Variants in INTU observed in about 807,000 individuals in gnomAD.
INTU encodes the protein protein inturned.
A neutral mutation model predicts 100.5 loss-of-function variants in INTU; 68 were observed. That is an observed-to-expected ratio of 0.68 (90% CI 0.56 to 0.83). The LOEUF is 0.83. Among genes scored for constraint, INTU ranks in the 40% least tolerant of loss-of-function variants. The pLI is 0.00. For missense variants in INTU, 1,071 were observed against 1,114.7 expected (o/e 0.96, Z 0.56); for synonymous variants, 357 against 395.7 (o/e 0.90, Z 1.16).
At chr4:127,710,811 A>T in intron 13 of INTU, 102 bp from the exon 14 acceptor site, 1 of 603,246 alleles carries the variant, frequency 1.7e-6, no homozygotes, top group Non-Finnish European at 2.6e-6. Flanking sequence ...ATTATATTGT[A>T]GATAAAAGCT....
At chr4:127,677,250 G>A (rs997369446) in intron 6 of INTU, among the ~76,000 whole-genome samples, 4 of 152,144 alleles carry the variant, frequency 2.6e-5, no homozygotes, top group Non-Finnish European at 2.9e-5. Context: ...GAGAGCAGTG[G>A]TTCTCCCAGC....
At chr4:127,645,791 T>C (rs1727554153) in intron 2 of INTU, among the ~76,000 whole-genome samples, 1 of 152,000 alleles carries the variant, frequency 6.6e-6, no homozygotes, top group African/African-American at 2.4e-5. Flanking sequence ...CTTGAACTCC[T>C]GACCTCAGGT....
At chr4:127,641,669 C>T (rs1727340866) in intron 1 of INTU, among the ~76,000 whole-genome samples, 1 of 152,056 alleles carries the variant, frequency 6.6e-6, no homozygotes, top group South Asian at 2.1e-4. Flanking sequence ...TTGTACTTAC[C>T]CTGTGTACTG....
rs78533412 is a variant in INTU at position 127,706,812 on chromosome 4, G to T, written c.2114G>T (p.Arg705Leu). Residue 705 changes from arginine to leucine, a missense_variant, in exon 12 of 16, where the codon CGC becomes CTC. Coordinates refer to ENST00000335251, the MANE Select transcript of INTU (RefSeq NM_015693.4). ...TLFGDYSLKTRKPSPSCSSGG... is the reference protein window; with the variant it reads ...TLFGDYSLKTLKPSPSCSSGG... ...TTTGGTGACTATTCCTTAAAGACAC[G>T]CAAGCCTAGTCCTTCCTGTAGTAGT... 5.6e-6 allele frequency: 9 copies of T among 1,613,938 alleles called. No homozygotes were observed. In the East Asian group the frequency reaches 1.6e-4, roughly 28 times the overall value.
chr4:127,672,899 T>C (rs562225022), intron 5 of INTU, among the ~76,000 whole-genome samples: 36 of 152,358 alleles, frequency 2.4e-4, no homozygotes, highest in African/African-American at 8.4e-4. Flanking sequence ...CACTGAAGTA[T>C]AATGAAGTAA....
chr4:127,708,557 A>G lies in INTU; in HGVS notation c.2272-14A>G. 2 of 1,388,502 alleles carry G rather than the reference A, an allele frequency of 1.4e-6. No individual in the cohort carries two copies. Among genetic ancestry groups the G allele is most frequent in the South Asian group, 1.2e-5 (1 of 83,160 alleles). 86.0% of individuals were successfully genotyped at this position (1,388,502 alleles called of 1,614,324 possible). ...TCTTAGATATAAACTGATCTACTTA[A>G]CTATATTTTTCAGGTCACTAAAAAG... On this transcript the variant is annotated splice_polypyrimidine_tract_variant and intron_variant, in intron 12 of 15. Transcript: ENST00000335251.
At chr4:127,705,860 A>C (rs764843002) in intron 11 of INTU, 48 bp downstream of exon 11, 1 of 1,509,974 alleles carries the variant, frequency 6.6e-7, no homozygotes, top group Non-Finnish European at 9.1e-7. Flanking sequence ...CTTTTCTTTT[A>C]TTTTTTTCTT....
At chr4:127,685,023 A>C (rs1267211240) in intron 7 of INTU, among the ~76,000 whole-genome samples, 1 of 152,084 alleles carries the variant, frequency 6.6e-6, no homozygotes, top group Non-Finnish European at 1.5e-5. Flanking sequence ...TCTCAAAAAA[A>C]TTTCTTTAGT....
At position 127,634,312 on chromosome 4, in the gene INTU, G is replaced by A. The variant is rs201603470; in HGVS notation, c.146+1132G>A. ...ATATGAATTACATAGAACCTTATTT[G>A]GTCTTGGTATGTGAAGCCATAGACA... On this transcript the variant is annotated intron_variant, in intron 1 of 15. Coordinates refer to ENST00000335251, the MANE Select transcript of INTU (RefSeq NM_015693.4). 1.1e-4 allele frequency among the ~76,000 whole-genome samples: 16 copies of A among 152,256 alleles called. No individual in the cohort carries two copies. The East Asian group carries it at 2.5e-3, about 24-fold the overall frequency.
Position 127,634,168 on chromosome 4 carries a change from T to G in INTU, c.146+988T>G, listed in dbSNP as rs1157124938. Among the ~76,000 whole-genome samples, 6 of 152,258 alleles carry G rather than the reference T, an allele frequency of 3.9e-5. No individual in the cohort carries two copies. The South Asian group carries it at 6.2e-4, about 16-fold the overall frequency. On this transcript the variant is annotated intron_variant, in intron 1 of 15. Coordinates refer to ENST00000335251, the MANE Select transcript of INTU (RefSeq NM_015693.4). ...TAAAAGTATGGTGGGGAAACCTGTT[T>G]AATACATTCTTGAAGACTTAAACAA...
chr4:127,678,139 A>C (rs907713202), intron 6 of INTU, among the ~76,000 whole-genome samples: 1 of 152,240 alleles, frequency 6.6e-6, no homozygotes, highest in Non-Finnish European at 1.5e-5. Context: ...TGTACCTGAA[A>C]GTGATGGGGA....
chr4:127,705,832 TTTC>T lies in INTU; in HGVS notation c.1788+23_1788+25del. ...GGCTTGGTAAGTTTACCTCAGCTTC[TTTC>T]TTAGGATTTTTCTTCTTTTCTTTTA... On this transcript the variant is annotated intron_variant, in intron 11 of 15. Coordinates refer to ENST00000335251, the MANE Select transcript of INTU (RefSeq NM_015693.4). The T allele has an allele frequency of 6.3e-7, 1 of 1,578,646 alleles. No individual in the cohort carries two copies.
At chr4:127,714,752 A>G (rs1731207883) in intron 15 of INTU, among the ~76,000 whole-genome samples, 1 of 151,962 alleles carries the variant, frequency 6.6e-6, no homozygotes, top group African/African-American at 2.4e-5. Flanking sequence ...CCTCATTACA[A>G]TATCAGCTTC....
At chr4:127,700,932 T>C (rs185347608) in intron 9 of INTU, among the ~76,000 whole-genome samples, 2 of 152,272 alleles carry the variant, frequency 1.3e-5, no homozygotes, top group Admixed American at 1.3e-4. Flanking sequence ...AAGGAGAGCT[T>C]CTTTTTATGA....
In INTU at chr4:127,711,191, T is replaced by C; in HGVS notation, c.2559+89T>C. 3 of 1,027,592 alleles carry C rather than the reference T, an allele frequency of 2.9e-6. No individual in the cohort carries two copies. The East Asian group carries it at 7.9e-5, about 27-fold the overall frequency. 63.7% of individuals were successfully genotyped at this position (1,027,592 alleles called of 1,614,324 possible). ...TATCTAATCAATATGCCCAGCATTG[T>C]TTTCATTTCATTAAGTTTTTTTAAA... is the stretch of plus-strand genomic sequence containing the variant. On this transcript the variant is annotated intron_variant, in intron 14 of 15. Coordinates refer to ENST00000335251, the MANE Select transcript of INTU (RefSeq NM_015693.4).
At chr4:127,666,428 ACTT>A (rs773584986) in intron 4 of INTU, among the ~76,000 whole-genome samples, 3 of 152,228 alleles carry the variant, frequency 2.0e-5, no homozygotes, top group South Asian at 4.1e-4. Context: ...GAGATAATTT[ACTT>A]CTTCTGCTTT....
chr4:127,700,565 T>C (rs1730604305), intron 9 of INTU, among the ~76,000 whole-genome samples: 1 of 152,076 alleles, frequency 6.6e-6, no homozygotes, highest in African/African-American at 2.4e-5. Flanking sequence ...CATTCAAAAT[T>C]GGGGCTGAAA....
At chr4:127,693,295 C>G (rs1260401655) in intron 8 of INTU, among the ~76,000 whole-genome samples, 1 of 151,956 alleles carries the variant, frequency 6.6e-6, no homozygotes, top group African/African-American at 2.4e-5. Context: ...GGTCTTTCAC[C>G]TCCTTGCTTC....
At chr4:127,647,226 T>C (rs929004828) in intron 2 of INTU, among the ~76,000 whole-genome samples, 1 of 152,204 alleles carries the variant, frequency 6.6e-6, no homozygotes, top group Non-Finnish European at 1.5e-5. Flanking sequence ...ACAAACTTAG[T>C]GGTTTAAAAC....
Sources: allele counts gnomAD v4.1 joint callset (sites outside exome capture counted in the v4.1 genomes callset), GRCh38; gene constraint gnomAD v4.1.1; transcripts MANE v1.5; gene names NCBI Gene and HGNC (gene_info 2026-07-23, HGNC 2026-07-21).